The following MSI2 variants were observed in gnomAD, a reference collection of about 807,000 sequenced individuals.
MSI2 encodes the protein musashi RNA binding protein 2.
In MSI2, 17 loss-of-function variants were observed where a neutral mutation model predicts 45.6. The observed-to-expected ratio is 0.37, with a 90% confidence interval of 0.26 to 0.56. MSI2 has a LOEUF of 0.56. Ranked by LOEUF, MSI2 falls within the 20% of genes least tolerant of loss-of-function variation. The pLI, the probability that MSI2 is intolerant of heterozygous loss-of-function variation, is 0.77. For missense variants in MSI2, 293 were observed against 444.2 expected (o/e 0.66, Z 3.06); for synonymous variants, 156 against 158.2 (o/e 0.99, Z 0.11).
chr17:57,520,917 G>A (rs1257148388), intron 6 of MSI2, among the ~76,000 whole-genome samples: 3 of 151,944 alleles, frequency 2.0e-5, no homozygotes, highest in Admixed American at 6.6e-5. Context: ...TGCCCACCTC[G>A]GCCTCCCAAA....
the MSI2 span, among the ~76,000 whole-genome samples, chr17:57,690,440 ATC>A: frequency 1.1e-5 from 1 of 88,480 alleles, no homozygotes; most frequent in Non-Finnish European, 2.4e-5. Context: ...GTGAGACCCT[ATC>A]TCTACAAAAA....
At chr17:57,461,309 A>C (rs936091062) in intron 6 of MSI2, among the ~76,000 whole-genome samples, 1 of 152,154 alleles carries the variant, frequency 6.6e-6, no homozygotes, top group Non-Finnish European at 1.5e-5. Flanking sequence ...AGTGGTAATT[A>C]GTCAACCCAA....
intron 6 of MSI2, among the ~76,000 whole-genome samples, chr17:57,447,736 C>T (rs2084926779): frequency 6.6e-6 from 1 of 152,142 alleles, no homozygotes; most frequent in Non-Finnish European, 1.5e-5. Context: ...ATGCCATTGT[C>T]ACTCTGGAAC....
At chr17:57,456,351 T>A (rs185616732) in intron 6 of MSI2, among the ~76,000 whole-genome samples, 1 of 152,314 alleles carries the variant, frequency 6.6e-6, no homozygotes, top group Non-Finnish European at 1.5e-5. Context: ...GGCTCACGCC[T>A]ATAATCCCAG....
In MSI2 at chr17:57,472,755, G is replaced by C. The variant is rs142821865; in HGVS notation, c.406-56921G>C. ...TCCTGGTACGTCGTAAACACTATGT[G>C]GTGGTGGCTGTTGTTATTTGTCCCG... On this transcript the variant is annotated intron_variant, in intron 6 of 13. Transcript: ENST00000284073. Among the ~76,000 whole-genome samples, 1,025 of 152,288 alleles carry C rather than the reference G, an allele frequency of 6.7e-3. 8 individuals are homozygous for C. Among genetic ancestry groups the C allele is most frequent in the Admixed American group, 0.015 (228 of 15,306 alleles).
At chr17:57,659,473 G>C (rs575181154) in intron 11 of MSI2, among the ~76,000 whole-genome samples, 7 of 152,198 alleles carry the variant, frequency 4.6e-5, no homozygotes, top group African/African-American at 1.7e-4. Flanking sequence ...CAGGAAGGCA[G>C]AAGTTTGTGG....
intron 6 of MSI2, chr17:57,448,352 A>G (rs2143522776): frequency 6.6e-6 from 1 of 152,360 alleles, no homozygotes; most frequent in South Asian, 2.1e-4. Flanking sequence ...AATCATGCAC[A>G]TGTAGGTAAT....
At chr17:57,466,466 A>AAATATTCCT (rs1385061907) in intron 6 of MSI2, among the ~76,000 whole-genome samples, 1 of 152,180 alleles carries the variant, frequency 6.6e-6, no homozygotes, top group East Asian at 1.9e-4. Context: ...CGGGCTTTTA[A>AAATATTCCT]AATATTCCAG....
At chr17:57,305,979 C>T (rs1167544642) in intron 5 of MSI2, among the ~76,000 whole-genome samples, 2 of 152,166 alleles carry the variant, frequency 1.3e-5, no homozygotes, top group African/African-American at 2.4e-5. Context: ...TATACTGATT[C>T]ATTCAACACA....
chr17:57,340,915 A>T (rs1451363676), intron 5 of MSI2, among the ~76,000 whole-genome samples: 1 of 152,172 alleles, frequency 6.6e-6, no homozygotes, highest in Non-Finnish European at 1.5e-5. Flanking sequence ...AAGCCCTGGC[A>T]GTTGCACCTG....
intron 5 of MSI2, among the ~76,000 whole-genome samples, chr17:57,333,929 A>G (rs891813932): frequency 2.6e-5 from 4 of 152,150 alleles, no homozygotes; most frequent in Admixed American, 6.5e-5. Context: ...TGGTTTAGCA[A>G]TGAGGGCTTT....
At chr17:57,509,825 C>G (rs2086313245) in intron 6 of MSI2, among the ~76,000 whole-genome samples, 1 of 152,122 alleles carries the variant, frequency 6.6e-6, no homozygotes, top group Non-Finnish European at 1.5e-5. Context: ...ATGACACCTT[C>G]ACAAGGTCTT....
intron 7 of MSI2, among the ~76,000 whole-genome samples, chr17:57,562,575 A>G (rs934059099): frequency 6.6e-6 from 1 of 152,244 alleles, no homozygotes; most frequent in African/African-American, 2.4e-5. Flanking sequence ...ACTGCTGCAC[A>G]TGCTGTTGGC....
chr17:57,412,518 G>A (rs765041445), intron 6 of MSI2, among the ~76,000 whole-genome samples: 1 of 152,140 alleles, frequency 6.6e-6, no homozygotes, highest in Non-Finnish European at 1.5e-5. Flanking sequence ...GAGTACATAG[G>A]TAGAAAAGTT....
chr17:57,304,304 C>T (rs1420080433), intron 5 of MSI2, among the ~76,000 whole-genome samples: 1 of 145,994 alleles, frequency 6.8e-6, no homozygotes, highest in Non-Finnish European at 1.5e-5. Flanking sequence ...TTGCGGTGAG[C>T]CGAGATTGCA....
At chr17:57,256,393 T>G, upstream of MSI2, 8 of 153,704 alleles carry the variant, frequency 5.2e-5, no homozygotes, top group East Asian at 1.8e-4. Flanking sequence ...GTCACCGGCA[T>G]TGGTTACACG....
intron 11 of MSI2, among the ~76,000 whole-genome samples, chr17:57,654,578 C>T (rs1911447433): frequency 6.6e-6 from 1 of 152,194 alleles, no homozygotes. Context: ...CCACAGAGGG[C>T]TCACTGGGTG....
intron 13 of MSI2, among the ~76,000 whole-genome samples, chr17:57,678,393 T>C (rs1321080772): frequency 6.6e-6 from 1 of 152,132 alleles, no homozygotes; most frequent in Non-Finnish European, 1.5e-5. Context: ...TTGCTACTAA[T>C]TAAGCTGGGT....
intron 5 of MSI2, chr17:57,268,021 T>G (rs2143246598): frequency 6.6e-6 from 1 of 152,350 alleles, no homozygotes. Context: ...AAGCTGTCCC[T>G]GCCCCTTTGT....
Sources: allele counts gnomAD v4.1 joint callset (sites outside exome capture counted in the v4.1 genomes callset), GRCh38; gene constraint gnomAD v4.1.1; transcripts MANE v1.5; gene names NCBI Gene and HGNC (gene_info 2026-07-23, HGNC 2026-07-21).